Variants in PKHD1L1 observed in about 807,000 individuals in gnomAD.
PKHD1L1 encodes the protein PKHD1 like 1.
PKHD1L1 carries 434 observed loss-of-function variants against 462.9 expected under a neutral mutation model. That is an observed-to-expected ratio of 0.94 (90% CI 0.87 to 1.02). The LOEUF is 1.02. Among genes scored for constraint, PKHD1L1 ranks in the 50% least tolerant of loss-of-function variants. The pLI is 0.00. For missense variants in PKHD1L1, 5,202 were observed against 5,096.1 expected, an observed-to-expected ratio of 1.02 and a Z score of -0.63; for synonymous variants, 1,781 against 1,750.0, an observed-to-expected ratio of 1.02 and a Z score of -0.44.
At chr8:109,379,488 G>A (rs887433737) in intron 2 of PKHD1L1, among the ~76,000 whole-genome samples, 2 of 152,222 alleles carry the variant, frequency 1.3e-5, no homozygotes, top group African/African-American at 4.8e-5. Flanking sequence ...GCCTGTTAAA[G>A]CTATGGCCAA....
In PKHD1L1 at chr8:109,466,527, T is replaced by C. The variant is rs192475457; in HGVS notation, c.8414-51T>C. 1.0e-3 allele frequency: 1,561 copies of C among 1,489,824 alleles called. 3 individuals are homozygous for C. Among genetic ancestry groups the C allele is most frequent in the Non-Finnish European group, 1.3e-3 (1,461 of 1,109,960 alleles). The allele number at this position is 1,489,824 out of a possible 1,614,324, so 92.3% of individuals were successfully genotyped here. The stretch of plus-strand genomic sequence containing the variant: ...AATTCTGTATATTGTAGACCTTTTT[T>C]ATGTTTCTTAATGTGAAATAAAAAA... On this transcript the variant is annotated intron_variant, in intron 49 of 77. Transcript: ENST00000378402.
intron 46 of PKHD1L1, among the ~76,000 whole-genome samples, chr8:109,457,879 C>T (rs994292183): frequency 6.6e-6 from 1 of 152,080 alleles, no homozygotes; most frequent in South Asian, 2.1e-4. Context: ...TAATCTAAGG[C>T]CTTTTTGCAT....
chr8:109,492,126 T>TG lies in PKHD1L1; in HGVS notation c.10236+132_10236+133insG. 1.9e-5 allele frequency: 10 copies of TG among 514,170 alleles called. No individual in the cohort carries two copies. In the South Asian group the frequency reaches 4.2e-4, roughly 22 times the overall value. 31.9% of individuals were successfully genotyped at this position (514,170 alleles called of 1,614,324 possible). A position where few individuals can be genotyped will look rare whatever the true frequency, so the allele number is the denominator to read the frequency against. Reference sequence around the variant, plus strand: ...TGATGTAAGTTTCGATGGCCATTGATTTTTTTTTTTTTCTGTCAATGTCTA... The same window carrying TG: ...TGATGTAAGTTTCGATGGCCATTGATGTTTTTTTTTTTTCTGTCAATGTCTA... On this transcript the variant is annotated intron_variant, in intron 62 of 77. Coordinates refer to ENST00000378402, the MANE Select transcript of PKHD1L1 (RefSeq NM_177531.6).
intron 8 of PKHD1L1, among the ~76,000 whole-genome samples, 175 bp from the exon 9 acceptor site, chr8:109,390,277 A>C (rs1177189954): frequency 6.6e-6 from 1 of 152,216 alleles, no homozygotes; most frequent in Non-Finnish European, 1.5e-5. Context: ...ATTTTTATAT[A>C]GTGGCTGCTT....
chr8:109,525,656 T>C (rs1820778393), intron 76 of PKHD1L1, among the ~76,000 whole-genome samples: 1 of 152,164 alleles, frequency 6.6e-6, no homozygotes, highest in Non-Finnish European at 1.5e-5. Context: ...TTCTTCACAG[T>C]ACTTCAGGAG....
At chr8:109,510,382 T>C (rs1306434574) in intron 70 of PKHD1L1, among the ~76,000 whole-genome samples, 1 of 152,172 alleles carries the variant, frequency 6.6e-6, no homozygotes, top group East Asian at 1.9e-4. Context: ...CAAGCTTATA[T>C]TTGGTAGAGA....
intron 53 of PKHD1L1, among the ~76,000 whole-genome samples, chr8:109,478,389 A>T (rs1818105983): frequency 6.6e-6 from 1 of 152,184 alleles, no homozygotes. Context: ...GCAAACAAAC[A>T]AAAAAGTAAA....
intron 5 of PKHD1L1, among the ~76,000 whole-genome samples, chr8:109,384,330 A>G (rs1342022558): frequency 6.6e-6 from 1 of 152,024 alleles, no homozygotes; most frequent in African/African-American, 2.4e-5. Context: ...CTCGAGCCCA[A>G]GAGTTTGAGA....
chr8:109,456,606 AC>A (rs1420732795), intron 46 of PKHD1L1, among the ~76,000 whole-genome samples: 1 of 152,220 alleles, frequency 6.6e-6, no homozygotes, highest in Non-Finnish European at 1.5e-5. Context: ...ATAAGAAAAA[AC>A]ATAAATTCGA....
chr8:109,505,643 A>G (rs1819649446), intron 68 of PKHD1L1, among the ~76,000 whole-genome samples: 1 of 152,208 alleles, frequency 6.6e-6, no homozygotes, highest in Admixed American at 6.6e-5. Flanking sequence ...TAGTGCCTGT[A>G]ATCTCAGAAT....
At chr8:109,365,010 A>C (rs1230307825) in intron 2 of PKHD1L1, among the ~76,000 whole-genome samples, 2 of 152,212 alleles carry the variant, frequency 1.3e-5, no homozygotes, top group African/African-American at 4.8e-5. Context: ...TTGATAAGAA[A>C]GTATAATAGA....
In PKHD1L1 at chr8:109,406,478, G is replaced by T. The variant is rs767753360; in HGVS notation, c.1813G>T (p.Gly605Ter). ...VYMVTFISTR[G>*]DFDLLGYEVV... ...CATGGTAACATTCATATCAACTAGA[G>T]GTAAGCATGTACTTAATTTTGTACT... The change falls in exon 17 of 78, where the codon GGA becomes TGA. Residue 605 changes from glycine (G) to a stop codon, truncating the protein, a stop_gained and splice_region_variant. Coordinates refer to ENST00000378402, the MANE Select transcript of PKHD1L1 (RefSeq NM_177531.6). LOFTEE classifies it high-confidence loss of function. 6 of 1,593,586 alleles carry T rather than the reference G, an allele frequency of 3.8e-6. No homozygotes were observed. Among genetic ancestry groups the T allele is most frequent in the East Asian group, 2.3e-5 (1 of 44,168 alleles).
intron 57 of PKHD1L1, among the ~76,000 whole-genome samples, chr8:109,483,344 G>T (rs1422283326): frequency 6.7e-6 from 1 of 150,174 alleles, no homozygotes; most frequent in Non-Finnish European, 1.5e-5. Context: ...ACATAGGTAT[G>T]TATATTGTAT....
rs1821004915 is a variant in PKHD1L1 at position 109,530,240 on chromosome 8, A to G, written c.*150A>G. ...AATGTACTAATTAGCTTTAAACACT[A>G]AAATCAGATTTCTTCAAAATATAAA... is the stretch of plus-strand genomic sequence containing the variant. On this transcript the variant is annotated 3_prime_UTR_variant, in exon 78 of 78. Transcript: ENST00000378402. 1.6e-5 allele frequency: 6 copies of G among 368,162 alleles called. No individual in the cohort carries two copies. The highest frequency in any genetic ancestry group is 2.4e-5 in the Non-Finnish European group (5 of 209,526). 22.8% of individuals were successfully genotyped at this position (368,162 alleles called of 1,614,324 possible). A position where few individuals can be genotyped will look rare whatever the true frequency, so the allele number is the denominator to read the frequency against.
intron 50 of PKHD1L1, among the ~76,000 whole-genome samples, chr8:109,472,369 G>A (rs1050819415): frequency 6.6e-6 from 1 of 152,054 alleles, no homozygotes; most frequent in African/African-American, 2.4e-5. Flanking sequence ...TGGTGGTGAG[G>A]ATTTTAGAAA....
rs1433711865 is a variant in PKHD1L1 at position 109,498,468 on chromosome 8, T to A, written c.10606T>A (p.Leu3536Ile). 4.4e-6 allele frequency: 7 copies of A among 1,604,698 alleles called. No homozygotes were observed. Among genetic ancestry groups the A allele is most frequent in the Non-Finnish European group, 6.0e-6 (7 of 1,171,692 alleles). ...SSKNVQIKSS[L>I]IVGSSPGFNC... ...TTGGCTTATTTCCAAACAGAGCTCA[T>A]TAATTGTTGGAAGTAGCCCTGGGTT... Residue 3536 changes from leucine to isoleucine, a missense_variant, in exon 66 of 78, where the codon TTA (leucine) becomes ATA (isoleucine). Transcript: ENST00000378402.
intron 51 of PKHD1L1, among the ~76,000 whole-genome samples, 177 bp downstream of exon 51, chr8:109,475,446 C>T (rs1336569102): frequency 6.6e-6 from 1 of 152,062 alleles, no homozygotes; most frequent in Non-Finnish European, 1.5e-5. Flanking sequence ...CCAAAAAAAT[C>T]TCATTTGAGA....
Position 109,496,978 on chromosome 8 carries a change from A to T in PKHD1L1, c.10387A>T (p.Ile3463Phe). Residue 3463 changes from isoleucine to phenylalanine, a missense_variant, in exon 64 of 78, where the codon ATC becomes TTC. Transcript: ENST00000378402. Reference protein sequence around the residue: ...DNEAHGGLYGIYMNQDGLPGC... With the variant: ...DNEAHGGLYGFYMNQDGLPGC... ...TGAAGCCCATGGAGGTTTATATGGG[A>T]TCTATATGAACCAAGATGGCCTTCC... 1 of 1,612,894 alleles carries T rather than the reference A, an allele frequency of 6.2e-7. No homozygotes were observed. The highest frequency in any genetic ancestry group is 8.5e-7 in the Non-Finnish European group (1 of 1,178,960).
At chr8:109,471,606 A>G (rs1348146636) in intron 50 of PKHD1L1, among the ~76,000 whole-genome samples, 1 of 152,220 alleles carries the variant, frequency 6.6e-6, no homozygotes, top group South Asian at 2.1e-4. Context: ...CACATGTGTT[A>G]TCTACCTCAC....
Sources: gnomAD v4.1 joint callset for allele counts (sites outside exome capture counted in the v4.1 genomes callset) on GRCh38, gnomAD v4.1.1 for gene constraint, MANE v1.5 for transcripts, NCBI Gene and HGNC (gene_info 2026-07-23, HGNC 2026-07-21) for gene names.